The following SORCS2 variants were observed in gnomAD, a reference collection of about 807,000 sequenced individuals.
SORCS2 encodes the protein VPS10 domain-containing receptor SorCS2.
In SORCS2, 100 loss-of-function variants were observed where a neutral mutation model predicts 141.6. The ratio of observed to expected loss-of-function variants is 0.71; its 90% CI spans 0.60 to 0.83. SORCS2 has a LOEUF of 0.83. Among genes scored for constraint, SORCS2 ranks in the 40% least tolerant of loss-of-function variants. The pLI, the probability that SORCS2 is intolerant of heterozygous loss-of-function variation, is 0.00. For synonymous variants in SORCS2, 789 were observed against 676.9 expected, an observed-to-expected ratio of 1.17 and a Z score of -2.57; for missense variants, 1,646 against 1,560.2, an observed-to-expected ratio of 1.05 and a Z score of -0.93.
intron 3 of SORCS2, among the ~76,000 whole-genome samples, chr4:7,554,198 T>C (rs1304695745): frequency 6.6e-6 from 1 of 152,140 alleles, no homozygotes; most frequent in African/African-American, 2.4e-5. Context: ...GGGAGGACGG[T>C]GCCAGAGGGG....
chr4:7,307,333 C>T (rs957386788), intron 1 of SORCS2, among the ~76,000 whole-genome samples: 3 of 152,236 alleles, frequency 2.0e-5, no homozygotes, highest in African/African-American at 2.4e-5. Context: ...AAGTTCCTTT[C>T]GTAAATGATT....
At chr4:7,207,257 A>T (rs1206466456) in intron 1 of SORCS2, among the ~76,000 whole-genome samples, 3 of 152,008 alleles carry the variant, frequency 2.0e-5, no homozygotes, top group Non-Finnish European at 2.9e-5. Flanking sequence ...ATCCACATCC[A>T]CATGTCCCTT....
intron 2 of SORCS2, among the ~76,000 whole-genome samples, chr4:7,513,778 G>T (rs1026323712): frequency 6.6e-6 from 1 of 152,192 alleles, no homozygotes; most frequent in Non-Finnish European, 1.5e-5. Flanking sequence ...ATTTTCAAGC[G>T]CTTAAAGGCA....
chr4:7,435,892 G>T (rs1298186844), intron 2 of SORCS2, among the ~76,000 whole-genome samples: 1 of 152,218 alleles, frequency 6.6e-6, no homozygotes, highest in Non-Finnish European at 1.5e-5. Context: ...GATGGCAGGG[G>T]GCTCCCCTAG....
At chr4:7,686,823 G>C (rs557735344) in intron 10 of SORCS2, among the ~76,000 whole-genome samples, 98 of 152,358 alleles carry the variant, frequency 6.4e-4, no homozygotes, top group African/African-American at 2.0e-3. Flanking sequence ...CCAGGAGAAG[G>C]GGGAGCCGTC....
intron 2 of SORCS2, among the ~76,000 whole-genome samples, chr4:7,523,406 C>A (rs1342171237): frequency 6.6e-6 from 1 of 152,176 alleles, no homozygotes; most frequent in African/African-American, 2.4e-5. Flanking sequence ...CCAAAGGAAT[C>A]CAACAAGCAT....
chr4:7,699,737 C>T (rs568739001), intron 12 of SORCS2, among the ~76,000 whole-genome samples: 4 of 152,184 alleles, frequency 2.6e-5, no homozygotes, highest in African/African-American at 7.2e-5. Flanking sequence ...CAGGACCCAG[C>T]GTGGTCTCCG....
At chr4:7,549,097 G>T (rs1713488343) in intron 3 of SORCS2, among the ~76,000 whole-genome samples, 1 of 152,100 alleles carries the variant, frequency 6.6e-6, no homozygotes, top group Admixed American at 6.5e-5. Flanking sequence ...GCAGGAGCGT[G>T]CCCCCAGCAA....
chr4:7,647,035 G>A (rs1248170558), intron 4 of SORCS2, among the ~76,000 whole-genome samples: 1 of 152,190 alleles, frequency 6.6e-6, no homozygotes, highest in Non-Finnish European at 1.5e-5. Flanking sequence ...ACTCTTACCT[G>A]TGGAGATGTG....
intron 3 of SORCS2, among the ~76,000 whole-genome samples, chr4:7,613,263 G>C (rs920503241): frequency 1.2e-4 from 18 of 152,188 alleles, no homozygotes; most frequent in African/African-American, 4.1e-4. Context: ...GATACTCTAC[G>C]TCTGCAGAAA....
At chr4:7,320,845 G>A (rs1157427390) in intron 1 of SORCS2, among the ~76,000 whole-genome samples, 1 of 152,004 alleles carries the variant, frequency 6.6e-6, no homozygotes. Context: ...AAGGTGATGG[G>A]ACCCACCCTC....
intron 1 of SORCS2, among the ~76,000 whole-genome samples, chr4:7,284,337 C>G (rs2108865083): frequency 6.6e-6 from 1 of 152,314 alleles, no homozygotes; most frequent in East Asian, 1.9e-4. Context: ...TCCCTGCACA[C>G]CCACTGCTTG....
chr4:7,246,736 T>C (rs1713123792), intron 1 of SORCS2, among the ~76,000 whole-genome samples: 1 of 152,190 alleles, frequency 6.6e-6, no homozygotes, highest in Non-Finnish European at 1.5e-5. Flanking sequence ...GATCCGAGCC[T>C]TCCCTTCCCT....
At chr4:7,576,782 A>C (rs1715780447) in intron 3 of SORCS2, among the ~76,000 whole-genome samples, 2 of 152,222 alleles carry the variant, frequency 1.3e-5, no homozygotes, top group Non-Finnish European at 2.9e-5. Context: ...CTGCCTGCTC[A>C]AGCGGCCACA....
intron 3 of SORCS2, among the ~76,000 whole-genome samples, chr4:7,533,047 C>T (rs1711792389): frequency 6.6e-6 from 1 of 152,128 alleles, no homozygotes; most frequent in African/African-American, 2.4e-5. Flanking sequence ...GATTCACACA[C>T]CCGATCTCTT....
chr4:7,381,412 AG>A (rs1722988563), intron 1 of SORCS2, among the ~76,000 whole-genome samples: 1 of 152,208 alleles, frequency 6.6e-6, no homozygotes, highest in South Asian at 2.1e-4. Context: ...GCAGTGTTAG[AG>A]GCCAGCCTTC....
chr4:7,413,896 C>T (rs982194297), intron 2 of SORCS2, among the ~76,000 whole-genome samples: 1 of 152,152 alleles, frequency 6.6e-6, no homozygotes, highest in African/African-American at 2.4e-5. Context: ...TGCCCTTTTC[C>T]TCCTGCCTAT....
chr4:7,740,786 C>T lies in SORCS2; in HGVS notation c.*522C>T, dbSNP rs1206405212. 5.1e-5 allele frequency: 18 copies of T among 349,522 alleles called. No homozygotes were observed. The highest frequency in any genetic ancestry group is 4.6e-4 in the Admixed American group (10 of 21,886). The allele number at this position is 349,522 out of a possible 1,614,324, so 21.7% of individuals were successfully genotyped here. On this transcript the variant is annotated 3_prime_UTR_variant, in exon 27 of 27. Transcript: ENST00000507866. ...TCCCAACACCACACCACCCTCCAGG[C>T]CCCCCTGCCCTCCGGCTGGAAACTG...
Position 7,557,642 on chromosome 4 carries a change from C to T in SORCS2, c.648+26013C>T, listed in dbSNP as rs561113072. ...GTTTTTACCCAGGGCTTTTCCATCT[C>T]CAGTGCCTTTAAAAAGGATCATTCC... On this transcript the variant is annotated intron_variant, in intron 3 of 26. Coordinates refer to ENST00000507866, the MANE Select transcript of SORCS2 (RefSeq NM_020777.3). Among the ~76,000 whole-genome samples the T allele has an allele frequency of 2.0e-5, 3 of 152,300 alleles. No homozygotes were observed. The South Asian group carries it at 6.2e-4, about 32-fold the overall frequency.
Sources: gnomAD v4.1 joint callset for allele counts (sites outside exome capture counted in the v4.1 genomes callset) on GRCh38, gnomAD v4.1.1 for gene constraint, MANE v1.5 for transcripts, NCBI Gene and HGNC (gene_info 2026-07-23, HGNC 2026-07-21) for gene names.